ABRAXAS1: variants seen among roughly 807,000 people sequenced by gnomAD.
The protein encoded by ABRAXAS1 is BRCA1-A complex subunit Abraxas 1.
ABRAXAS1 carries 26 observed loss-of-function variants against 38.4 expected under a neutral mutation model. The ratio of observed to expected loss-of-function variants is 0.68; its 90% CI spans 0.50 to 0.94. The LOEUF is 0.94. Among genes scored for constraint, ABRAXAS1 ranks in the 40% least tolerant of loss-of-function variants. The probability of loss-of-function intolerance (pLI) is 0.00; values close to 1 mark genes in which losing one functional copy is unlikely to be tolerated. For missense variants in ABRAXAS1, 438 were observed against 481.9 expected (o/e 0.91, Z 0.85); for synonymous variants, 144 against 165.5 (o/e 0.87, Z 1.00).
intron 2 of ABRAXAS1, among the ~76,000 whole-genome samples, chr4:83,481,131 CA>C (rs796921816): frequency 0.013 from 1,662 of 127,698 alleles, 24 homozygotes; most frequent in African/African-American, 0.045. Context: ...GACTCTGCCT[CA>C]AAAAAAAAAA....
intron 2 of ABRAXAS1, among the ~76,000 whole-genome samples, chr4:83,480,750 A>G (rs1236412101): frequency 6.6e-6 from 1 of 152,212 alleles, no homozygotes; most frequent in Non-Finnish European, 1.5e-5. Flanking sequence ...TGATAATGAA[A>G]AACTAGAAAC....
intron 2 of ABRAXAS1, chr4:83,479,658 T>C (rs1451469225): frequency 1.3e-5 from 2 of 152,272 alleles, no homozygotes; most frequent in South Asian, 2.1e-4. Context: ...TACAACAGGA[T>C]ATATGCAGCC....
chr4:83,464,695 A>G (rs1384541554), intron 7 of ABRAXAS1, among the ~76,000 whole-genome samples: 1 of 152,156 alleles, frequency 6.6e-6, no homozygotes, highest in Non-Finnish European at 1.5e-5. Context: ...AACCAATGAG[A>G]TTCTTGCCTG....
rs781519076 is a variant in ABRAXAS1 at position 83,469,138 on chromosome 4, C to A, written c.490G>T (p.Val164Leu). 1.2e-6 allele frequency: 2 copies of A among 1,613,434 alleles called. No individual in the cohort carries two copies. Among genetic ancestry groups the A allele is most frequent in the Admixed American group, 1.7e-5 (1 of 59,904 alleles). ...YKPQKGLFHR[V>L]PLVVANLGMS... ...CCCAGATTGGCAACCACTAAAGGTA[C>A]CCTGTGAAAAAGTCTGACAAAATAA... The change falls in exon 6 of 9, where the codon GTA becomes TTA. Residue 164 changes from valine to leucine, a missense_variant. Physicochemically the swap from Val to Leu is conservative, Grantham distance 32. Transcript: ENST00000321945.
rs1379125008 is a variant in ABRAXAS1 at position 83,485,079 on chromosome 4, G to T, written c.-7C>A. On this transcript the variant is annotated 5_prime_UTR_variant, in exon 1 of 9. Coordinates refer to ENST00000321945, the MANE Select transcript of ABRAXAS1 (RefSeq NM_139076.3). ...ACGTACTCTCCCCCTCCATGCTACC[G>T]CCGCCTCAGGCTACACAAGAGGACG... 6.3e-7 allele frequency: 1 copy of T among 1,584,010 alleles called. No individual in the cohort carries two copies. The highest frequency in any genetic ancestry group is 8.6e-7 in the Non-Finnish European group (1 of 1,165,292).
At chr4:83,473,837 CTT>C (rs987771948) in intron 3 of ABRAXAS1, among the ~76,000 whole-genome samples, 1 of 150,632 alleles carries the variant, frequency 6.6e-6, no homozygotes, top group Non-Finnish European at 1.5e-5. Flanking sequence ...TAAAAAGTGA[CTT>C]TAAGTTTCAG....
chr4:83,471,467 CA>C (rs1722590924), intron 4 of ABRAXAS1, among the ~76,000 whole-genome samples: 1 of 151,948 alleles, frequency 6.6e-6, no homozygotes, highest in Non-Finnish European at 1.5e-5. Flanking sequence ...CGCAGCCTAC[CA>C]AAGTACTGGG....
At chr4:83,481,593 A>G (rs148459399) in intron 2 of ABRAXAS1, among the ~76,000 whole-genome samples, 1,853 of 152,250 alleles carry the variant, frequency 0.012, 26 homozygotes, top group African/African-American at 0.04. Context: ...TCTTCCTACT[A>G]AACAGCAGGT....
intron 1 of ABRAXAS1, chr4:83,484,094 G>T: frequency 1.1e-6 from 1 of 937,542 alleles, no homozygotes; most frequent in Non-Finnish European, 1.3e-6. Context: ...TCTCGAACTC[G>T]TGGGCTCAGG....
intron 1 of ABRAXAS1, among the ~76,000 whole-genome samples, chr4:83,483,399 G>GCCTT (rs1157706596): frequency 6.6e-6 from 1 of 150,956 alleles, no homozygotes; most frequent in African/African-American, 2.4e-5. Context: ...TGCTGCCTCA[G>GCCTT]CCTTCCAAGT....
Position 83,459,759 on chromosome 4 carries a change from C to A in ABRAXAS1, c.*2710G>T. On this transcript the variant is annotated 3_prime_UTR_variant, in exon 9 of 9. Coordinates refer to ENST00000321945, the MANE Select transcript of ABRAXAS1 (RefSeq NM_139076.3). ...AAACAGCTTTTGTCCCAGTTTGTTTCTCCATTTACTGGATGCATTTATGGA... is the reference window on the plus strand; with the variant it reads ...AAACAGCTTTTGTCCCAGTTTGTTTATCCATTTACTGGATGCATTTATGGA... The A allele has an allele frequency of 6.2e-7, 1 of 1,610,364 alleles. No individual in the cohort carries two copies. Among genetic ancestry groups the A allele is most frequent in the East Asian group, 2.2e-5 (1 of 44,590 alleles).
intron 1 of ABRAXAS1, among the ~76,000 whole-genome samples, chr4:83,483,055 C>A (rs34620667): frequency 6.6e-6 from 1 of 152,018 alleles, no homozygotes; most frequent in African/African-American, 2.4e-5. Flanking sequence ...TTCTAAGGTA[C>A]GAAATGACAA....
rs2110034103 is a variant in ABRAXAS1, at chr4:83,463,621, G to A, written c.682-13C>T. On this transcript the variant is annotated splice_polypyrimidine_tract_variant and intron_variant, in intron 7 of 8. Transcript: ENST00000321945. ...TTTTGCATATACTCTGCAAAATAAA[G>A]TAATTTAAGGGCATAGGTAATATTT... The A allele has an allele frequency of 1.4e-6, 2 of 1,459,132 alleles. No individual in the cohort carries two copies. Among genetic ancestry groups the A allele is most frequent in the Non-Finnish European group, 9.5e-7 (1 of 1,048,392 alleles). 90.4% of individuals were successfully genotyped at this position (1,459,132 alleles called of 1,614,324 possible).
intron 2 of ABRAXAS1, chr4:83,478,130 T>C: frequency 1.3e-6 from 1 of 789,662 alleles, no homozygotes; most frequent in South Asian, 1.3e-5. Context: ...CTTAATATTG[T>C]CAGGAATGAT....
At chr4:83,483,345 A>ATCAC (rs1483160609) in intron 1 of ABRAXAS1, among the ~76,000 whole-genome samples, 2 of 151,028 alleles carry the variant, frequency 1.3e-5, no homozygotes, top group African/African-American at 4.9e-5. Flanking sequence ...CAGCGGTGCA[A>ATCAC]TCACTACTCA....
intron 1 of ABRAXAS1, among the ~76,000 whole-genome samples, chr4:83,482,608 A>G (rs1437155944): frequency 6.6e-6 from 1 of 152,192 alleles, no homozygotes; most frequent in Non-Finnish European, 1.5e-5. Flanking sequence ...GCTACTTGGG[A>G]TGACGTGAAC....
intron 3 of ABRAXAS1, among the ~76,000 whole-genome samples, chr4:83,474,584 A>T (rs1471403793): frequency 6.6e-6 from 1 of 151,918 alleles, no homozygotes; most frequent in Non-Finnish European, 1.5e-5. Flanking sequence ...GCTTGGTGGC[A>T]CCCATCTGGA....
chr4:83,476,760 C>T (rs1325976006), intron 2 of ABRAXAS1, 81 bp from the exon 3 acceptor site: 16 of 881,742 alleles, frequency 1.8e-5, no homozygotes, highest in Non-Finnish European at 2.8e-5. Flanking sequence ...GCCTTTACCT[C>T]ACGCCAGGAA....
rs779497289 is a variant in ABRAXAS1 at position 83,470,369 on chromosome 4, G to A, written c.310C>T (p.Arg104Cys). The change falls in exon 5 of 9, where the codon CGT becomes TGT. Residue 104 changes from arginine to cysteine, a missense_variant. This residue lies in a region of ABRAXAS1 where 194 missense variants were observed against 269.0 expected (regional missense o/e 0.72). Transcript: ENST00000321945. ...AACGTCATGATCTGATCTGAATGAC[G>A]ACGGAATTTGTACCAACCTACCACA... The part of the protein sequence containing the change: ...KNVVGWYKFR[R>C]HSDQIMTFRE... 7 of 1,613,200 alleles carry A rather than the reference G, an allele frequency of 4.3e-6. No homozygotes were observed. In the East Asian group the frequency reaches 6.7e-5, roughly 15 times the overall value.
Sources: gnomAD v4.1 joint callset for allele counts (sites outside exome capture counted in the v4.1 genomes callset) on GRCh38, gnomAD v4.1.1 for gene constraint, gnomAD v4.1.1 regional missense constraint, MANE v1.5 for transcripts, NCBI Gene and HGNC (gene_info 2026-07-23, HGNC 2026-07-21) for gene names.